The following DLG2 variants were observed in gnomAD, a reference collection of about 807,000 sequenced individuals.
DLG2 encodes the protein disks large homolog 2.
In DLG2, 45 loss-of-function variants were observed where a neutral mutation model predicts 132.5. That is an observed-to-expected ratio of 0.34 (90% CI 0.27 to 0.44). The LOEUF (loss-of-function observed/expected upper bound fraction) is 0.44. Ranked by LOEUF, DLG2 falls within the 20% of genes least tolerant of loss-of-function variation. The pLI is 1.00. For synonymous variants in DLG2, 424 were observed against 419.6 expected, an observed-to-expected ratio of 1.01 and a Z score of -0.13; for missense variants, 1,045 against 1,196.9, an observed-to-expected ratio of 0.87 and a Z score of 1.87.
chr11:85,452,978 G>T, intron 3 of DLG2: 1 of 202,706 alleles, frequency 4.9e-6, no homozygotes, highest in Non-Finnish European at 1.0e-5. Context: ...AAGTACACCT[G>T]ATCAAAGACA....
chr11:84,345,138 AAAAG>A (rs1221226007), intron 7 of DLG2, among the ~76,000 whole-genome samples: 1 of 152,202 alleles, frequency 6.6e-6, no homozygotes, highest in African/African-American at 2.4e-5. Context: ...AAAATAAGAG[AAAAG>A]AAAGAAAAGA....
intron 7 of DLG2, among the ~76,000 whole-genome samples, chr11:84,469,895 G>A (rs1013581372): frequency 3.3e-5 from 5 of 151,658 alleles, no homozygotes; most frequent in African/African-American, 7.2e-5. Context: ...GGTGTTGTAC[G>A]AACATCGGAA....
At chr11:83,940,850 T>G (rs541094536) in intron 14 of DLG2, among the ~76,000 whole-genome samples, 1 of 152,176 alleles carries the variant, frequency 6.6e-6, no homozygotes, top group East Asian at 1.9e-4. Flanking sequence ...CTTAGGGCCT[T>G]ACGAGTATTA....
intron 18 of DLG2, among the ~76,000 whole-genome samples, chr11:83,685,740 C>A (rs1453444694): frequency 9.2e-5 from 14 of 152,014 alleles, no homozygotes; most frequent in African/African-American, 3.1e-4. Flanking sequence ...ACTCTTATAT[C>A]CAGCTGCATA....
rs1185123130 is a variant in DLG2 at position 84,891,552 on chromosome 11, T to C, written c.357+220109A>G. On this transcript the variant is annotated intron_variant, in intron 6 of 27. Coordinates refer to ENST00000376104, the MANE Select transcript of DLG2 (RefSeq NM_001142699.3). ...ATGAATGAAGAGGGTTTCATCAGGA[T>C]AACAGTAATTTTTTCTTAAATTCTT... is the stretch of plus-strand genomic sequence containing the variant. Among the ~76,000 whole-genome samples the C allele has an allele frequency of 4.6e-5, 7 of 152,168 alleles. No individual in the cohort carries two copies. The South Asian group carries it at 8.3e-4, about 18-fold the overall frequency.
At chr11:83,821,274 C>T (rs1594923635) in intron 17 of DLG2, among the ~76,000 whole-genome samples, 1 of 152,288 alleles carries the variant, frequency 6.6e-6, no homozygotes, top group East Asian at 1.9e-4. Flanking sequence ...GAGCAATTTG[C>T]TGTTAGAGGA....
chr11:84,757,394 C>T (rs990353884), intron 6 of DLG2, among the ~76,000 whole-genome samples: 2 of 152,002 alleles, frequency 1.3e-5, no homozygotes, highest in African/African-American at 4.8e-5. Flanking sequence ...AAGTATTGGT[C>T]TGCAGTAGAT....
intron 18 of DLG2, among the ~76,000 whole-genome samples, chr11:83,735,239 A>G (rs1368165739): frequency 6.6e-6 from 1 of 152,170 alleles, no homozygotes; most frequent in Non-Finnish European, 1.5e-5. Flanking sequence ...GTATTTTAAA[A>G]TGTAACCAGC....
intron 16 of DLG2, among the ~76,000 whole-genome samples, chr11:83,869,915 T>C (rs2138567): frequency 0.3 from 45,361 of 152,056 alleles, 7,453 homozygotes; most frequent in African/African-American, 0.42. Flanking sequence ...ATAAAGTGCC[T>C]TCTCCTAGAT....
chr11:85,132,694 A>T, intron 5 of DLG2: 2 of 456,588 alleles, frequency 4.4e-6, no homozygotes, highest in South Asian at 3.1e-5. Context: ...CACCTACTAG[A>T]ACTGTTTAAT....
At chr11:83,602,191 A>T (rs766167529) in intron 19 of DLG2, among the ~76,000 whole-genome samples, 1 of 152,190 alleles carries the variant, frequency 6.6e-6, no homozygotes, top group Non-Finnish European at 1.5e-5. Context: ...ATTTTCTTAC[A>T]AACTCTCCCT....
intron 21 of DLG2, among the ~76,000 whole-genome samples, chr11:83,495,597 T>C (rs1262124171): frequency 2.0e-5 from 3 of 152,152 alleles, no homozygotes; most frequent in Admixed American, 1.3e-4. Flanking sequence ...AAGAGGAAGA[T>C]TGGTGAGGTT....
chr11:85,510,556 G>A (rs150279622), intron 3 of DLG2, among the ~76,000 whole-genome samples: 4,232 of 151,176 alleles, frequency 0.028, 97 homozygotes, highest in East Asian at 0.09. Context: ...TCAAAAAGTC[G>A]GCAAAGGATA....
intron 4 of DLG2, among the ~76,000 whole-genome samples, chr11:85,156,702 T>G (rs1396728636): frequency 6.6e-6 from 1 of 152,156 alleles, no homozygotes; most frequent in Non-Finnish European, 1.5e-5. Context: ...CCATTGCTAA[T>G]TGGATCCATC....
At chr11:85,087,609 CG>C (rs1374752117) in intron 6 of DLG2, among the ~76,000 whole-genome samples, 1 of 151,764 alleles carries the variant, frequency 6.6e-6, no homozygotes, top group East Asian at 1.9e-4. Flanking sequence ...GAGGCCGAGG[CG>C]GGTGGATCAT....
At chr11:85,345,606 G>C (rs1303835990) in intron 3 of DLG2, among the ~76,000 whole-genome samples, 3 of 152,034 alleles carry the variant, frequency 2.0e-5, no homozygotes, top group Non-Finnish European at 4.4e-5. Context: ...CCTTTCACTG[G>C]GCCATGCTGC....
At chr11:84,584,423 T>C (rs2099524096) in intron 6 of DLG2, among the ~76,000 whole-genome samples, 1 of 151,968 alleles carries the variant, frequency 6.6e-6, no homozygotes, top group Non-Finnish European at 1.5e-5. Context: ...CATAGCTCAA[T>C]ATAATCTCAG....
chr11:83,514,604 T>C (rs10898130), intron 21 of DLG2, among the ~76,000 whole-genome samples: 53,395 of 151,920 alleles, frequency 0.35, 9,463 homozygotes, highest in Middle Eastern at 0.46. Flanking sequence ...CCCTGTCTTG[T>C]GCCAGTTTTC....
chr11:85,340,745 G>T (rs1051490054), intron 3 of DLG2, among the ~76,000 whole-genome samples: 1 of 152,094 alleles, frequency 6.6e-6, no homozygotes, highest in Admixed American at 6.6e-5. Flanking sequence ...TTTGTTTATG[G>T]TGTTAGTTGT....
Sources: allele counts gnomAD v4.1 joint callset (sites outside exome capture counted in the v4.1 genomes callset), GRCh38; gene constraint gnomAD v4.1.1; transcripts MANE v1.5; gene names NCBI Gene and HGNC (gene_info 2026-07-23, HGNC 2026-07-21).